The following CRNKL1 variants were observed in gnomAD, a reference collection of about 807,000 sequenced individuals.
CRNKL1 encodes the protein crooked neck-like protein 1.
CRNKL1 carries 35 observed loss-of-function variants against 103.7 expected under a neutral mutation model. The ratio of observed to expected loss-of-function variants is 0.34; its 90% CI spans 0.26 to 0.45. The LOEUF is 0.45. Among genes scored for constraint, CRNKL1 ranks in the 20% least tolerant of loss-of-function variants. CRNKL1 has a pLI of 1.00. For synonymous variants in CRNKL1, 267 were observed against 282.6 expected, an observed-to-expected ratio of 0.94 and a Z score of 0.55; for missense variants, 645 against 836.0, an observed-to-expected ratio of 0.77 and a Z score of 2.82.
At chr20:20,040,255 T>C (rs2043490281) in intron 10 of CRNKL1, among the ~76,000 whole-genome samples, 1 of 148,218 alleles carries the variant, frequency 6.7e-6, no homozygotes, top group African/African-American at 2.5e-5. Context: ...GAGGTTGCAG[T>C]GAGCCAAGAT....
rs780965619 is a variant in CRNKL1, at chr20:20,038,393, G to T, written c.1603C>A (p.Arg535=). The stretch of plus-strand genomic sequence containing the variant: ...TGAAGCAACCGCCGGTAAAGGTTTC[G>T]TGTTCTTTCTGTTTCTTCCTGCTCA... The part of the protein sequence containing the change: ...EIEQEETERT[R]NLYRRLLQRT... Residue 535 remains arginine (R), a synonymous_variant, in exon 12 of 14, where the codon CGA becomes AGA. Transcript: ENST00000536226. 6.4e-7 allele frequency: 1 copy of T among 1,552,654 alleles called. No homozygotes were observed. The highest frequency in any genetic ancestry group is 8.7e-7 in the Non-Finnish European group (1 of 1,147,244).
intron 10 of CRNKL1, among the ~76,000 whole-genome samples, chr20:20,040,369 A>T (rs934056531): frequency 2.6e-5 from 4 of 152,148 alleles, no homozygotes; most frequent in Admixed American, 6.5e-5. Flanking sequence ...AACAATTAAA[A>T]GTGCATTTAA....
upstream of CRNKL1, chr20:20,052,705 C>G: frequency 1.2e-6 from 2 of 1,610,878 alleles, no homozygotes; most frequent in South Asian, 2.2e-5. Flanking sequence ...ACGAGTGGCT[C>G]TGTCGAGCCG....
upstream of CRNKL1, chr20:20,052,667 C>G: frequency 6.2e-7 from 1 of 1,613,346 alleles, no homozygotes; most frequent in East Asian, 2.2e-5. Context: ...CCCAGGTCAG[C>G]CTCCGGAACT....
rs757552321 is a variant in CRNKL1, at chr20:20,047,868, C to T, written c.519G>A (p.Glu173=). The change falls in exon 5 of 14, where the codon GAG becomes GAA. Residue 173 remains glutamate, a synonymous_variant. Coordinates refer to ENST00000536226, the MANE Select transcript of CRNKL1 (RefSeq NM_001278628.2). ...GNVAGARQVF[E]RWMEWQPEEQ... ...CCTCAGGCTGCCACTCCATCCAGCG[C>T]TCAAACACCTGCCGGGCACCGGCAA... The T allele has an allele frequency of 4.3e-6, 7 of 1,614,260 alleles. No individual in the cohort carries two copies. The South Asian group carries it at 7.7e-5, about 18-fold the overall frequency.
In CRNKL1 at chr20:20,050,482, T is replaced by C. The variant is rs770153815; in HGVS notation, c.192A>G (p.Leu64=). ...CACACTGACTGACCTTCCTTTTCCT[T>C]AGTTTATAATCATTTAATTCTTCTT... The part of the protein sequence containing the change: ...TDEEELNDYK[L]RKRKTFEDNI... Residue 64 remains leucine, a synonymous_variant, in exon 2 of 14, where the codon CTA becomes CTG. Coordinates refer to ENST00000536226, the MANE Select transcript of CRNKL1 (RefSeq NM_001278628.2). 10 of 1,613,210 alleles carry C rather than the reference T, an allele frequency of 6.2e-6. No individual in the cohort carries two copies. The Admixed American group carries it at 1.3e-4, about 22-fold the overall frequency.
chr20:20,039,604 C>T lies in CRNKL1; in HGVS notation c.1545+5G>A, dbSNP rs1296065709. On this transcript the variant is annotated splice_donor_5th_base_variant and intron_variant, in intron 11 of 13. Coordinates refer to ENST00000536226, the MANE Select transcript of CRNKL1 (RefSeq NM_001278628.2). ...ACAAAATTATATTTGACTTGAGATG[C>T]TCACCTCTGGCATGTCTAAACGTGG... The T allele has an allele frequency of 3.1e-6, 5 of 1,613,098 alleles. No individual in the cohort carries two copies. Among genetic ancestry groups the T allele is most frequent in the Non-Finnish European group, 3.4e-6 (4 of 1,179,366 alleles).
At chr20:20,045,581 C>A in intron 5 of CRNKL1, 95 bp from the exon 6 acceptor site, 1 of 1,162,504 alleles carries the variant, frequency 8.6e-7, no homozygotes, top group South Asian at 1.6e-5. Flanking sequence ...CCTGGAAACT[C>A]CAAAAATTCA....
chr20:20,041,461 A>T (rs2043512599), intron 9 of CRNKL1, 105 bp downstream of exon 9: 2 of 903,784 alleles, frequency 2.2e-6, no homozygotes, highest in African/African-American at 3.3e-5. Context: ...CCATGGTGGG[A>T]CAGGGAAGCA....
intron 13 of CRNKL1, among the ~76,000 whole-genome samples, chr20:20,036,678 A>G (rs2043423916): frequency 6.6e-6 from 1 of 152,260 alleles, no homozygotes; most frequent in African/African-American, 2.4e-5. Flanking sequence ...CGATCTTTAC[A>G]TAATATTCAC....
chr20:20,039,570 G>GT (rs1568757456), intron 11 of CRNKL1, 39 bp downstream of exon 11: 1 of 1,609,796 alleles, frequency 6.2e-7, no homozygotes, highest in Admixed American at 1.7e-5. Context: ...GACTAAACAC[G>GT]TATCTCAAAC....
At chr20:20,043,233 G>C (rs956686208) in intron 7 of CRNKL1, among the ~76,000 whole-genome samples, 6 of 152,132 alleles carry the variant, frequency 3.9e-5, no homozygotes, top group Admixed American at 2.6e-4. Flanking sequence ...TTTTGCTCCA[G>C]TTCTACATAC....
rs112085981 is a variant in CRNKL1, at chr20:20,036,145, C to T, written c.*50G>A. ...GAACTTCCAGGAGTCACAAGAGTTCCAAACAATTAATTTATAAAAATAACA... is the reference window on the plus strand; with the variant it reads ...GAACTTCCAGGAGTCACAAGAGTTCTAAACAATTAATTTATAAAAATAACA... On this transcript the variant is annotated 3_prime_UTR_variant, in exon 14 of 14. Coordinates refer to ENST00000536226, the MANE Select transcript of CRNKL1 (RefSeq NM_001278628.2). 6.3e-7 allele frequency: 1 copy of T among 1,578,246 alleles called. No individual in the cohort carries two copies. The highest frequency in any genetic ancestry group is 1.2e-5 in the South Asian group (1 of 86,406).
At chr20:20,049,901 T>G (rs1207373052) in intron 2 of CRNKL1, among the ~76,000 whole-genome samples, 4 of 151,930 alleles carry the variant, frequency 2.6e-5, no homozygotes, top group Non-Finnish European at 5.9e-5. Context: ...CACTGCAGCC[T>G]CTGCCTCCCG....
At chr20:20,054,405 A>G (rs1299587380), upstream of CRNKL1, among the ~76,000 whole-genome samples, 3 of 148,544 alleles carry the variant, frequency 2.0e-5, no homozygotes, top group Non-Finnish European at 3.0e-5. Flanking sequence ...GGATATATAT[A>G]TATATATATA....
chr20:20,034,958 C>CAAAG lies in CRNKL1; in HGVS notation c.*1233_*1236dup, dbSNP rs552324975. ...ACAGTTCTAGTCCTTGGGCAGTGAA[C>CAAAG]AAAGAAAAAATGTGCTTGAGAAACA... On this transcript the variant is annotated 3_prime_UTR_variant, in exon 14 of 14. Transcript: ENST00000536226. 98 of 152,150 alleles carry CAAAG rather than the reference C, an allele frequency of 6.4e-4. No individual in the cohort carries two copies. Among genetic ancestry groups the CAAAG allele is most frequent in the African/African-American group, 2.1e-3 (87 of 41,526 alleles). 9.4% of individuals were successfully genotyped at this position (152,150 alleles called of 1,614,324 possible).
intron 9 of CRNKL1, 71 bp from the exon 10 acceptor site, chr20:20,040,837 T>A: frequency 9.2e-7 from 1 of 1,081,490 alleles, no homozygotes; most frequent in East Asian, 2.4e-5. Context: ...AAAATTAATT[T>A]AAATTAACCA....
At chr20:20,050,361 A>G in intron 2 of CRNKL1, 109 bp downstream of exon 2, 2 of 900,166 alleles carry the variant, frequency 2.2e-6, no homozygotes, top group Non-Finnish European at 3.3e-6. Context: ...ATGCGTCTGG[A>G]AACACTTAAC....
chr20:20,047,818 T>G lies in CRNKL1; in HGVS notation c.569A>C (p.Asn190Thr). The G allele has an allele frequency of 1.2e-6, 2 of 1,614,226 alleles. No individual in the cohort carries two copies. Among genetic ancestry groups the G allele is most frequent in the African/African-American group, 2.7e-5 (2 of 75,066 alleles). ...PEEQAWHSYINFELRYKEVDR... is the reference protein window; with the variant it reads ...PEEQAWHSYITFELRYKEVDR... Reference sequence around the variant, plus strand: ...CACCTCTTTGTATCTCAGCTCAAAGTTGATGTAGGAGTGCCAGGCTTGCTC... The same window carrying G: ...CACCTCTTTGTATCTCAGCTCAAAGGTGATGTAGGAGTGCCAGGCTTGCTC... The change falls in exon 5 of 14, where the codon AAC becomes ACC. Residue 190 changes from asparagine to threonine, a missense_variant. Transcript: ENST00000536226.
Sources: allele counts gnomAD v4.1 joint callset (sites outside exome capture counted in the v4.1 genomes callset), GRCh38; gene constraint gnomAD v4.1.1; transcripts MANE v1.5; gene names NCBI Gene and HGNC (gene_info 2026-07-23, HGNC 2026-07-21).